Variants in ZFP37 observed in about 807,000 individuals in gnomAD.
The protein encoded by ZFP37 is zinc finger protein 37 homolog.
Under a neutral mutation model 52.1 loss-of-function variants are expected in ZFP37, and 38 were observed. The observed-to-expected ratio is 0.73, with a 90% CI of 0.56 to 0.96. The LOEUF is 0.96. Ranked by LOEUF, ZFP37 falls within the 40% of genes least tolerant of loss-of-function variation. The probability of loss-of-function intolerance (pLI) is 0.00; values close to 1 mark genes in which losing one functional copy is unlikely to be tolerated. For missense variants in ZFP37, 695 were observed against 741.4 expected (o/e 0.94, Z 0.73); for synonymous variants, 253 against 259.5 (o/e 0.98, Z 0.24).
Position 113,052,067 on chromosome 9 carries a change from CATCTT to C in ZFP37, c.133-2200_133-2196del, listed in dbSNP as rs1829066561. Reference sequence around the variant, plus strand: ...CTATCTCCTATTACCCCAAATCCCTCATCTTATCAATCCCCAATCACTAAACAGAA... The same window carrying C: ...CTATCTCCTATTACCCCAAATCCCTCATCAATCCCCAATCACTAAACAGAA... On this transcript the variant is annotated intron_variant, in intron 1 of 3. Transcript: ENST00000374227. The surrounding 1 kb of genome is among the most constrained non-coding windows in gnomAD (Gnocchi z 4.1). Among the ~76,000 whole-genome samples the C allele has an allele frequency of 6.6e-6, 1 of 152,144 alleles. No individual in the cohort carries two copies. Among genetic ancestry groups the C allele is most frequent in the African/African-American group, 2.4e-5 (1 of 41,442 alleles).
At position 113,054,567 on chromosome 9, in the gene ZFP37, C is replaced by T. The variant is rs79399413; in HGVS notation, c.132+1990G>A. Among the ~76,000 whole-genome samples the T allele has an allele frequency of 4.9e-3, 742 of 152,240 alleles. 4 individuals are homozygous for T. Among genetic ancestry groups the T allele is most frequent in the Non-Finnish European group, 8.5e-3 (580 of 68,012 alleles). On this transcript the variant is annotated intron_variant, in intron 1 of 3. Transcript: ENST00000374227. ...TAGATGTGCAATGAGCATTTTGACA[C>T]GGCCAAAATAGAGCCACTGACATCA... is the stretch of plus-strand genomic sequence containing the variant.
At position 113,048,176 on chromosome 9, in the gene ZFP37, A is replaced by AAAGTC. The variant is rs575911200; in HGVS notation, c.349+1181_349+1185dup. ...CTGAAAAGTAAGCAGTGGTGATCTT[A>AAAGTC]AAGTCAGAAATTTAGATAGAGGCAT... On this transcript the variant is annotated intron_variant, in intron 3 of 3. Coordinates refer to ENST00000374227, the MANE Select transcript of ZFP37 (RefSeq NM_003408.3). 5.4e-4 allele frequency among the ~76,000 whole-genome samples: 83 copies of AAAGTC among 152,366 alleles called. 1 individual carries two copies. Among genetic ancestry groups the AAAGTC allele is most frequent in the African/African-American group, 1.6e-3 (66 of 41,582 alleles).
Position 113,044,280 on chromosome 9 carries a change from T to C in ZFP37, c.350-12A>G, listed in dbSNP as rs765620547. ...ATCTTTCTGGACTTCTAAAATGGAA[T>C]TCAGTGAGATATTCTTGTGAATCTT... On this transcript the variant is annotated splice_polypyrimidine_tract_variant and intron_variant, in intron 3 of 3. Transcript: ENST00000374227. 1 of 1,537,850 alleles carries C rather than the reference T, an allele frequency of 6.5e-7. No individual in the cohort carries two copies. The highest frequency in any genetic ancestry group is 8.7e-7 in the Non-Finnish European group (1 of 1,150,320).
At chr9:113,045,223 T>G (rs1828930050) in intron 3 of ZFP37, among the ~76,000 whole-genome samples, 5 of 152,168 alleles carry the variant, frequency 3.3e-5, no homozygotes. Flanking sequence ...TGGTGAATTT[T>G]TCTTGTAGTG....
chr9:113,047,453 C>T (rs1356169772), intron 3 of ZFP37, among the ~76,000 whole-genome samples: 2 of 151,820 alleles, frequency 1.3e-5, no homozygotes, highest in Non-Finnish European at 2.9e-5. Flanking sequence ...TTGGTGGTAA[C>T]ATGTAAGATC....
chr9:113,054,224 T>G (rs375676408), intron 1 of ZFP37, among the ~76,000 whole-genome samples: 3 of 152,318 alleles, frequency 2.0e-5, no homozygotes, highest in East Asian at 3.9e-4. Flanking sequence ...AATTGATTAC[T>G]TCTATTGTCT....
Position 113,042,627 on chromosome 9 carries a change from G to C in ZFP37, c.*98C>G, listed in dbSNP as rs1163433053. On this transcript the variant is annotated 3_prime_UTR_variant, in exon 4 of 4. Transcript: ENST00000374227. ...AAGTTTCTCATGTACAACAAGGTGT[G>C]ACATCTTGCTAAAGGCTTTCTAACA... 9.8e-7 allele frequency: 1 copy of C among 1,025,618 alleles called. No homozygotes were observed. Among genetic ancestry groups the C allele is most frequent in the East Asian group, 2.6e-5 (1 of 37,964 alleles). The allele number at this position is 1,025,618 out of a possible 1,614,324, so 63.5% of individuals were successfully genotyped here.
chr9:113,056,504 G>C (rs1175813482), intron 1 of ZFP37, 53 bp downstream of exon 1: 1 of 1,599,108 alleles, frequency 6.3e-7, no homozygotes, highest in Non-Finnish European at 8.5e-7. Flanking sequence ...TCACTGCCCC[G>C]CAAGTACACC....
chr9:113,044,403 T>C, intron 3 of ZFP37, 135 bp from the exon 4 acceptor site: 2 of 700,582 alleles, frequency 2.9e-6, no homozygotes, highest in Non-Finnish European at 4.3e-6. Context: ...ATGAAACAAC[T>C]AGGGTGAATG....
Position 113,044,285 on chromosome 9 carries a change from T to C in ZFP37, c.350-17A>G, listed in dbSNP as rs746748262. On this transcript the variant is annotated splice_polypyrimidine_tract_variant and intron_variant, in intron 3 of 3. Transcript: ENST00000374227. ...TCTGGACTTCTAAAATGGAATTCAG[T>C]GAGATATTCTTGTGAATCTTTGTAC... The C allele has an allele frequency of 1.4e-5, 22 of 1,533,030 alleles. No homozygotes were observed. The African/African-American group carries it at 1.5e-4, about 11-fold the overall frequency. The allele number at this position is 1,533,030 out of a possible 1,614,324, so 95.0% of individuals were successfully genotyped here.
At position 113,039,520 on chromosome 9, in the gene ZFP37, C is replaced by G. The variant is rs1828813847; in HGVS notation, c.*3205G>C. ...TCTAAGTAAGCTTACTGCCTGCTTC[C>G]CATCACTATATTTAAAATTACATTC... On this transcript the variant is annotated 3_prime_UTR_variant, in exon 4 of 4. Coordinates refer to ENST00000374227, the MANE Select transcript of ZFP37 (RefSeq NM_003408.3). 1 of 151,940 alleles carries G rather than the reference C, an allele frequency of 6.6e-6. No individual in the cohort carries two copies. Among genetic ancestry groups the G allele is most frequent in the Non-Finnish European group, 1.5e-5 (1 of 67,992 alleles). The allele number at this position is 151,940 out of a possible 1,614,324, so 9.4% of individuals were successfully genotyped here.
In ZFP37 at chr9:113,049,644, T is replaced by C. The variant is rs1402808244; in HGVS notation, c.214+147A>G. 14 of 1,429,808 alleles carry C rather than the reference T, an allele frequency of 9.8e-6. No individual in the cohort carries two copies. In the East Asian group the frequency reaches 3.4e-4, roughly 35 times the overall value. The allele number at this position is 1,429,808 out of a possible 1,614,324, so 88.6% of individuals were successfully genotyped here. On this transcript the variant is annotated intron_variant, in intron 2 of 3. Coordinates refer to ENST00000374227, the MANE Select transcript of ZFP37 (RefSeq NM_003408.3). ...GGTCAGCTAAATAGACCTTCCATTT[T>C]GGAGGCAGGGGCACAAATATCCTGC...
rs1199490188 is a variant in ZFP37, at chr9:113,041,260, TA to T, written c.*1464del. 2 of 151,324 alleles carry T rather than the reference TA, an allele frequency of 1.3e-5. No homozygotes were observed. The highest frequency in any genetic ancestry group is 2.9e-5 in the Non-Finnish European group (2 of 67,846). The allele number at this position is 151,324 out of a possible 1,614,324, so 9.4% of individuals were successfully genotyped here. ...GTATTTTTAATCTATGGCTCAAGAG[TA>T]AAAAAAATCCAGGTGTGCAATGGCA... On this transcript the variant is annotated 3_prime_UTR_variant, in exon 4 of 4. Transcript: ENST00000374227.
chr9:113,047,245 G>T (rs572501469), intron 3 of ZFP37, among the ~76,000 whole-genome samples: 1 of 152,234 alleles, frequency 6.6e-6, no homozygotes, highest in East Asian at 1.9e-4. Flanking sequence ...GCCAAAACTG[G>T]AGCCATTAAT....
At chr9:113,044,815 C>T (rs1037348500) in intron 3 of ZFP37, among the ~76,000 whole-genome samples, 10 of 152,120 alleles carry the variant, frequency 6.6e-5, no homozygotes, top group African/African-American at 2.4e-4. Context: ...TTATATAAAG[C>T]AGGTACTAGT....
chr9:113,051,530 G>A (rs1037511641), intron 1 of ZFP37, among the ~76,000 whole-genome samples: 10 of 151,710 alleles, frequency 6.6e-5, no homozygotes, highest in African/African-American at 1.9e-4. Context: ...ATAGCTCACC[G>A]ACACCTTGAA....
At chr9:113,056,491 C>T (rs1185610181) in intron 1 of ZFP37, 66 bp downstream of exon 1, 2 of 1,591,992 alleles carry the variant, frequency 1.3e-6, no homozygotes, top group African/African-American at 1.3e-5. Context: ...CAGACTACTC[C>T]AATCACTGCC....
chr9:113,041,631 T>C lies in ZFP37; in HGVS notation c.*1094A>G, dbSNP rs573488981. The C allele has an allele frequency of 6.6e-6, 1 of 152,334 alleles. No homozygotes were observed. Among genetic ancestry groups the C allele is most frequent in the African/African-American group, 2.4e-5 (1 of 41,560 alleles). 9.4% of individuals were successfully genotyped at this position (152,334 alleles called of 1,614,324 possible). ...GTGCTGTTATAATTCACTATGTTAA[T>C]GAAAGAACTTGTGTGTGATAGAAAA... On this transcript the variant is annotated 3_prime_UTR_variant, in exon 4 of 4. Transcript: ENST00000374227.
In ZFP37 at chr9:113,041,817, A is replaced by G. The variant is rs966035631; in HGVS notation, c.*908T>C. The G allele has an allele frequency of 6.6e-6, 1 of 152,152 alleles. No individual in the cohort carries two copies. The highest frequency in any genetic ancestry group is 2.4e-5 in the African/African-American group (1 of 41,458). The allele number at this position is 152,152 out of a possible 1,614,324, so 9.4% of individuals were successfully genotyped here. A position where few individuals can be genotyped will look rare whatever the true frequency, so the allele number is the denominator to read the frequency against. ...TCAGTGACAACCTTAAATAATGTTG[A>G]TTTATGCATATTAAAATATTTTAAT... On this transcript the variant is annotated 3_prime_UTR_variant, in exon 4 of 4. Transcript: ENST00000374227.
Sources: gnomAD v4.1 joint callset for allele counts (sites outside exome capture counted in the v4.1 genomes callset) on GRCh38, gnomAD v4.1.1 for gene constraint, Gnocchi (gnomAD v3.1) non-coding constraint, MANE v1.5 for transcripts, NCBI Gene and HGNC (gene_info 2026-07-23, HGNC 2026-07-21) for gene names.